GNAZ: variants seen among roughly 807,000 people sequenced by gnomAD.
GNAZ encodes the protein G protein subunit alpha z.
Under a neutral mutation model 25.4 loss-of-function variants are expected in GNAZ, and 3 were observed. The observed-to-expected ratio is 0.12, with a 90% confidence interval of 0.05 to 0.30. The LOEUF (loss-of-function observed/expected upper bound fraction) is 0.30, where lower values mean the gene tolerates loss of function less well. GNAZ is among the 10% of genes least tolerant of loss of function. GNAZ has a pLI of 1.00. For missense variants in GNAZ, 241 were observed against 501.8 expected (o/e 0.48, Z 4.97); for synonymous variants, 211 against 205.7 (o/e 1.03, Z -0.22).
chr22:23,095,354 C>G lies in GNAZ; in HGVS notation c.-342C>G. On this transcript the variant is annotated 5_prime_UTR_variant, in exon 2 of 3. Transcript: ENST00000615612. The stretch of plus-strand genomic sequence containing the variant: ...CACTCAGCAACATCGCCACAGCAAC[C>G]AGCAACCAGACGGCAGCAGCCGAGG... 2 of 293,766 alleles carry G rather than the reference C, an allele frequency of 6.8e-6. No homozygotes were observed. The highest frequency in any genetic ancestry group is 9.2e-5 in the South Asian group (2 of 21,632). 18.2% of individuals were successfully genotyped at this position (293,766 alleles called of 1,614,324 possible).
At chr22:23,117,248 G>GAC (rs397689966) in intron 2 of GNAZ, among the ~76,000 whole-genome samples, 1 of 150,508 alleles carries the variant, frequency 6.6e-6, no homozygotes, top group Non-Finnish European at 1.5e-5. Context: ...GGGAATGAGA[G>GAC]GGGCTGAGCC....
At chr22:23,100,106 G>A (rs1022080382) in intron 2 of GNAZ, among the ~76,000 whole-genome samples, 1 of 152,248 alleles carries the variant, frequency 6.6e-6, no homozygotes, top group African/African-American at 2.4e-5. Flanking sequence ...ACCTGTGATG[G>A]ACCTGCTGTG....
intron 2 of GNAZ, among the ~76,000 whole-genome samples, chr22:23,106,914 T>C (rs2069498302): frequency 6.6e-6 from 1 of 152,008 alleles, no homozygotes; most frequent in African/African-American, 2.4e-5. Flanking sequence ...TTACTACGGG[T>C]CACCCCACCC....
chr22:23,100,729 G>T (rs2330336), intron 2 of GNAZ, among the ~76,000 whole-genome samples: 36,937 of 152,154 alleles, frequency 0.24, 4,749 homozygotes, highest in East Asian at 0.35. Flanking sequence ...TTGTGGAGCG[G>T]GCGGGAGGCG....
intron 1 of GNAZ, among the ~76,000 whole-genome samples, chr22:23,093,504 A>G (rs1252863513): frequency 6.6e-6 from 1 of 152,202 alleles, no homozygotes; most frequent in Non-Finnish European, 1.5e-5. Flanking sequence ...CATGTAGGTC[A>G]CACATTAGCT....
At chr22:23,112,328 CT>C (rs2069679784) in intron 2 of GNAZ, among the ~76,000 whole-genome samples, 1 of 152,220 alleles carries the variant, frequency 6.6e-6, no homozygotes, top group Non-Finnish European at 1.5e-5. Flanking sequence ...ACACCAGGCT[CT>C]AGGGCCCAGT....
chr22:23,076,961 C>G (rs764749112), intron 1 of GNAZ, among the ~76,000 whole-genome samples: 3 of 152,202 alleles, frequency 2.0e-5, no homozygotes, highest in Non-Finnish European at 4.4e-5. Context: ...GAGTTGGAAG[C>G]TCTGGGCTGG....
chr22:23,077,842 G>A (rs2068548382), intron 1 of GNAZ, among the ~76,000 whole-genome samples: 1 of 152,162 alleles, frequency 6.6e-6, no homozygotes, highest in African/African-American at 2.4e-5. Flanking sequence ...AGCAGGCCCT[G>A]ACCCCCTGTG....
chr22:23,117,466 C>T (rs1318580162), intron 2 of GNAZ, among the ~76,000 whole-genome samples: 2 of 152,238 alleles, frequency 1.3e-5, no homozygotes, highest in Non-Finnish European at 2.9e-5. Context: ...ACCTCTCCCA[C>T]TCCGTCCGGC....
In GNAZ at chr22:23,072,758, G is replaced by A. The variant is rs1601743764; in HGVS notation, c.-450+2188G>A. Among the ~76,000 whole-genome samples, 2 of 152,210 alleles carry A rather than the reference G, an allele frequency of 1.3e-5. 1 individual carries two copies. Among genetic ancestry groups the A allele is most frequent in the African/African-American group, 4.8e-5 (2 of 41,450 alleles). On this transcript the variant is annotated intron_variant, in intron 1 of 2. Transcript: ENST00000615612. ...ATGTGACTGTGGGTTTGGGACACAG[G>A]GAATGGATTCTTCCCTCTGTCCCCA...
intron 2 of GNAZ, among the ~76,000 whole-genome samples, chr22:23,102,180 C>T (rs2069322152): frequency 6.6e-6 from 1 of 152,260 alleles, no homozygotes; most frequent in South Asian, 2.1e-4. Flanking sequence ...GCGGCCACCT[C>T]AGTGGGCCTT....
intron 2 of GNAZ, among the ~76,000 whole-genome samples, chr22:23,119,072 T>C (rs1405553381): frequency 6.6e-6 from 1 of 152,240 alleles, no homozygotes; most frequent in Non-Finnish European, 1.5e-5. Flanking sequence ...CCCATATGCA[T>C]GCTTGAGTCA....
At chr22:23,103,610 G>C (rs2146338912) in intron 2 of GNAZ, among the ~76,000 whole-genome samples, 1 of 152,322 alleles carries the variant, frequency 6.6e-6, no homozygotes, top group South Asian at 2.1e-4. Flanking sequence ...AGATTTAAGA[G>C]AATCCTACTC....
chr22:23,088,878 C>T (rs1396909400), intron 1 of GNAZ, among the ~76,000 whole-genome samples: 1 of 152,230 alleles, frequency 6.6e-6, no homozygotes, highest in African/African-American at 2.4e-5. Context: ...CTTCTGTTAC[C>T]AGCAAAGGTG....
intron 2 of GNAZ, among the ~76,000 whole-genome samples, chr22:23,116,348 G>T (rs545344737): frequency 1.1e-3 from 167 of 152,378 alleles, no homozygotes; most frequent in Middle Eastern, 6.8e-3. Flanking sequence ...CGCCTGAGGG[G>T]CCCAGAAGTG....
intron 1 of GNAZ, among the ~76,000 whole-genome samples, chr22:23,088,403 G>A (rs540234255): frequency 5.3e-5 from 8 of 152,172 alleles, no homozygotes; most frequent in African/African-American, 9.7e-5. Flanking sequence ...GTCACTGCGC[G>A]GGCCTCCTCC....
rs780522450 is a variant in GNAZ at position 23,095,791 on chromosome 22, C to T, written c.96C>T (p.Arg32=). 27 of 1,613,322 alleles carry T rather than the reference C, an allele frequency of 1.7e-5. No homozygotes were observed. The highest frequency in any genetic ancestry group is 4.4e-5 in the South Asian group (4 of 91,090). ...HLRSESQRQR[R]EIKLLLLGTS... ...GCTCAGAGAGCCAGCGGCAACGCCG[C>T]GAAATCAAGCTGCTCCTGCTGGGCA... The change falls in exon 2 of 3, where the codon CGC becomes CGT. Residue 32 remains arginine (R), a synonymous_variant. Transcript: ENST00000615612.
Position 23,095,408 on chromosome 22 carries a change from C to T in GNAZ, c.-288C>T, listed in dbSNP as rs1205956479. The stretch of plus-strand genomic sequence containing the variant: ...ACACAAGCGGACGGCTTCCCACCGT[C>T]GCCGAGGACAGGGAATGACTACGGC... On this transcript the variant is annotated 5_prime_UTR_variant, in exon 2 of 3. Transcript: ENST00000615612. 9.8e-6 allele frequency: 4 copies of T among 406,362 alleles called. No individual in the cohort carries two copies. Among genetic ancestry groups the T allele is most frequent in the Non-Finnish European group, 1.8e-5 (4 of 224,528 alleles). The allele number at this position is 406,362 out of a possible 1,614,324, so 25.2% of individuals were successfully genotyped here. A position where few individuals can be genotyped will look rare whatever the true frequency, so the allele number is the denominator to read the frequency against.
Position 23,123,124 on chromosome 22 carries a change from T to C in GNAZ, c.761T>C (p.Ile254Thr). The C allele has an allele frequency of 6.2e-7, 1 of 1,613,980 alleles. No homozygotes were observed. The highest frequency in any genetic ancestry group is 2.2e-5 in the East Asian group (1 of 44,882). The change falls in exon 3 of 3, where the codon ATC becomes ACC. Residue 254 changes from isoleucine to threonine, a missense_variant. Ile to Thr is a moderately conservative substitution (Grantham distance 89). Coordinates refer to ENST00000615612, the MANE Select transcript of GNAZ (RefSeq NM_002073.4). ...GAGAGCTTGCGCCTCTTTGACTCCA[T>C]CTGCAACAACAACTGGTTCATCAAC... ...MAESLRLFDS[I>T]CNNNWFINTS...
Sources: allele counts gnomAD v4.1 joint callset (sites outside exome capture counted in the v4.1 genomes callset), GRCh38; gene constraint gnomAD v4.1.1; transcripts MANE v1.5; gene names NCBI Gene and HGNC (gene_info 2026-07-23, HGNC 2026-07-21).